Variants in BTRC observed in about 807,000 individuals in gnomAD.
BTRC encodes the protein beta-transducin repeat containing E3 ubiquitin protein ligase, also known as F-box/WD repeat-containing protein 1A.
Under a neutral mutation model 85.5 loss-of-function variants are expected in BTRC, and 42 were observed. The observed-to-expected ratio is 0.49, with a 90% CI of 0.38 to 0.64. The LOEUF (loss-of-function observed/expected upper bound fraction) is 0.64, where lower values mean the gene tolerates loss of function less well. BTRC is among the 30% of genes least tolerant of loss of function. BTRC has a pLI of 0.00. For synonymous variants in BTRC, 255 were observed against 263.3 expected, an observed-to-expected ratio of 0.97 and a Z score of 0.30; for missense variants, 594 against 743.5, an observed-to-expected ratio of 0.80 and a Z score of 2.34.
chr10:101,434,383 T>A (rs1944474298), intron 2 of BTRC, among the ~76,000 whole-genome samples: 1 of 152,174 alleles, frequency 6.6e-6, no homozygotes, highest in Non-Finnish European at 1.5e-5. Context: ...TTGGATATCC[T>A]TGTGCAAAAC....
chr10:101,393,191 A>AG (rs1265884694), intron 1 of BTRC, among the ~76,000 whole-genome samples: 1 of 152,206 alleles, frequency 6.6e-6, no homozygotes, highest in African/African-American at 2.4e-5. Flanking sequence ...TGGTGTGCCC[A>AG]GGGAGTCATG....
At chr10:101,364,940 A>G (rs993619290) in intron 1 of BTRC, 10 of 151,566 alleles carry the variant, frequency 6.6e-5, no homozygotes, top group African/African-American at 2.4e-4. Flanking sequence ...CCAAAAATCT[A>G]TTTAATATAT....
intron 1 of BTRC, among the ~76,000 whole-genome samples, chr10:101,391,921 TGAA>T (rs1246377316): frequency 6.6e-6 from 1 of 152,206 alleles, no homozygotes; most frequent in Non-Finnish European, 1.5e-5. Flanking sequence ...AAGTGACTAA[TGAA>T]GGGCTTGTGC....
At chr10:101,357,479 G>A (rs1427888540) in intron 1 of BTRC, among the ~76,000 whole-genome samples, 1 of 148,818 alleles carries the variant, frequency 6.7e-6, no homozygotes, top group Non-Finnish European at 1.5e-5. Flanking sequence ...ATTTGAGCTA[G>A]CATCAAATAA....
At chr10:101,527,389 CTG>C (rs1297896297) in intron 6 of BTRC, among the ~76,000 whole-genome samples, 1 of 152,110 alleles carries the variant, frequency 6.6e-6, no homozygotes, top group Admixed American at 6.5e-5. Flanking sequence ...ATTAGGAAGA[CTG>C]TTTAAATTTT....
intron 13 of BTRC, 82 bp from the exon 14 acceptor site, chr10:101,550,617 T>A: frequency 7.0e-7 from 1 of 1,438,096 alleles, no homozygotes; most frequent in South Asian, 1.3e-5. Flanking sequence ...TTCCGTAGAC[T>A]CCTTTTGACA....
chr10:101,368,464 C>CTTT (rs60190021), intron 1 of BTRC, among the ~76,000 whole-genome samples: 12 of 75,344 alleles, frequency 1.6e-4, no homozygotes, highest in East Asian at 5.9e-4. Flanking sequence ...AACTGTTTTT[C>CTTT]TTTTTTTTTT....
chr10:101,539,259 T>C (rs150732916), intron 13 of BTRC, among the ~76,000 whole-genome samples: 5 of 152,250 alleles, frequency 3.3e-5, no homozygotes, highest in South Asian at 2.1e-4. Flanking sequence ...AGGGCCCAGA[T>C]TGATAAATGC....
intron 2 of BTRC, among the ~76,000 whole-genome samples, chr10:101,439,779 A>G (rs1057262802): frequency 5.3e-5 from 8 of 152,164 alleles, no homozygotes; most frequent in African/African-American, 1.9e-4. Flanking sequence ...TTAATAGTGG[A>G]ATTTATGGAA....
chr10:101,552,927 A>G (rs2062674303), intron 14 of BTRC, among the ~76,000 whole-genome samples: 2 of 152,088 alleles, frequency 1.3e-5, no homozygotes, highest in Non-Finnish European at 2.9e-5. Context: ...CTCTGCTTGA[A>G]CACCACAGCC....
chr10:101,541,620 T>G (rs2062470403), intron 13 of BTRC, among the ~76,000 whole-genome samples: 1 of 152,214 alleles, frequency 6.6e-6, no homozygotes, highest in African/African-American at 2.4e-5. Flanking sequence ...GTTCCTAGAT[T>G]GCTGAGAGTT....
chr10:101,492,662 A>T (rs1272579493), intron 4 of BTRC, among the ~76,000 whole-genome samples: 1 of 152,182 alleles, frequency 6.6e-6, no homozygotes, highest in Non-Finnish European at 1.5e-5. Context: ...CGTTTTCTTT[A>T]ACCCTTTCTT....
At chr10:101,522,972 G>A (rs984622519) in intron 5 of BTRC, among the ~76,000 whole-genome samples, 3 of 152,148 alleles carry the variant, frequency 2.0e-5, no homozygotes, top group Non-Finnish European at 4.4e-5. Context: ...TTGGGAGGCC[G>A]AAGTGGATGG....
chr10:101,532,750 ATGTGTGTGTGTGTGTG>A (rs71643587), intron 8 of BTRC, among the ~76,000 whole-genome samples, 186 bp from the exon 9 acceptor site: 2 of 102,186 alleles, frequency 2.0e-5, no homozygotes, highest in Non-Finnish European at 3.8e-5. Context: ...CTGAAGCTAT[ATGTGTGTGTGTGTGTG>A]TGTGTGTGTG....
chr10:101,361,184 G>A (rs1211242145), intron 1 of BTRC, among the ~76,000 whole-genome samples: 1 of 151,930 alleles, frequency 6.6e-6, no homozygotes, highest in African/African-American at 2.4e-5. Flanking sequence ...TCAGCTCACT[G>A]CAACCTCAGC....
intron 1 of BTRC, among the ~76,000 whole-genome samples, chr10:101,385,618 C>CTTTTTTTTTTTTTTTTTTTTTTT (rs36030307): frequency 1.0e-4 from 8 of 79,804 alleles, no homozygotes; most frequent in African/African-American, 1.3e-4. Flanking sequence ...TCTTCTTCTT[C>CTTTTTTTTTTTTTTTTTTTTTTT]TTTTTTTTTT....
At chr10:101,384,681 AT>A in intron 1 of BTRC, among the ~76,000 whole-genome samples, 1 of 152,200 alleles carries the variant, frequency 6.6e-6, no homozygotes, top group Non-Finnish European at 1.5e-5. Context: ...GTGAGATCTT[AT>A]TTTCAGTTGA....
intron 1 of BTRC, among the ~76,000 whole-genome samples, chr10:101,392,078 C>T (rs1943249599): frequency 6.6e-6 from 1 of 152,140 alleles, no homozygotes; most frequent in African/African-American, 2.4e-5. Context: ...CTCCCGGGTT[C>T]AAGTGTTTCT....
At chr10:101,513,041 C>T (rs1311984236) in intron 4 of BTRC, among the ~76,000 whole-genome samples, 1 of 152,100 alleles carries the variant, frequency 6.6e-6, no homozygotes, top group Non-Finnish European at 1.5e-5. Context: ...TAATATACAA[C>T]CTTTTGATTT....
Sources: gnomAD v4.1 joint callset for allele counts (sites outside exome capture counted in the v4.1 genomes callset) on GRCh38, gnomAD v4.1.1 for gene constraint, MANE v1.5 for transcripts, NCBI Gene and HGNC (gene_info 2026-07-23, HGNC 2026-07-21) for gene names.